The following DHDDS variants were observed in gnomAD, a reference collection of about 807,000 sequenced individuals.
DHDDS encodes dehydrodolichyl diphosphate synthase subunit.
A neutral mutation model predicts 46.2 loss-of-function variants in DHDDS; 16 were observed. The observed-to-expected ratio is 0.35, with a 90% CI of 0.23 to 0.53. The LOEUF is 0.53. Ranked by LOEUF, DHDDS falls within the 20% of genes least tolerant of loss-of-function variation. The probability of loss-of-function intolerance (pLI) is 0.94; values close to 1 mark genes in which losing one functional copy is unlikely to be tolerated. For synonymous variants in DHDDS, 151 were observed against 163.1 expected, an observed-to-expected ratio of 0.93 and a Z score of 0.56; for missense variants, 340 against 423.7, an observed-to-expected ratio of 0.80 and a Z score of 1.73.
intron 6 of DHDDS, among the ~76,000 whole-genome samples, chr1:26,452,900 A>G (rs1345404700): frequency 6.6e-6 from 1 of 152,104 alleles, no homozygotes; most frequent in Non-Finnish European, 1.5e-5. Context: ...GGAGTTTGAG[A>G]CCAGCCCTGG....
At position 26,468,931 on chromosome 1, in the gene DHDDS, C is replaced by A. The variant is rs1180408059; in HGVS notation, c.802C>A (p.Gln268Lys). The A allele has an allele frequency of 6.2e-7, 1 of 1,614,034 alleles. No homozygotes were observed. The highest frequency in any genetic ancestry group is 2.2e-5 in the East Asian group (1 of 44,878). Reference protein sequence around the residue: ...RDMYAEERKRQQLERDQATVT... With the variant: ...RDMYAEERKRKQLERDQATVT... ...CATGTATGCAGAGGAGCGGAAGAGG[C>A]AGCAGCTGGAGAGGGACCAGGCTAC... Residue 268 changes from glutamine to lysine, a missense_variant, in exon 9 of 9, where the codon CAG (glutamine) becomes AAG (lysine). By Grantham distance (53) the Gln-to-Lys change is moderately conservative. Transcript: ENST00000236342.
At chr1:26,438,087 CAT>C in intron 2 of DHDDS, 79 bp from the exon 3 acceptor site, 1 of 1,446,788 alleles carries the variant, frequency 6.9e-7, no homozygotes, top group Non-Finnish European at 9.7e-7. Context: ...ATAGCCCAAA[CAT>C]ATCACCTTGG....
At position 26,469,126 on chromosome 1, in the gene DHDDS, G is replaced by A; in HGVS notation, c.997G>A (p.Ala333Thr). 1 of 1,611,750 alleles carries A rather than the reference G, an allele frequency of 6.2e-7. No homozygotes were observed. Among genetic ancestry groups the A allele is most frequent in the Non-Finnish European group, 8.5e-7 (1 of 1,180,030 alleles). Reference sequence around the variant, plus strand: ...GCTGGCCCGTCTGGGCACTGCATCAGCCTGAATGAGGCTGGCCACCTGCCA... The same window carrying A: ...GCTGGCCCGTCTGGGCACTGCATCAACCTGAATGAGGCTGGCCACCTGCCA... The part of the protein sequence containing the change: ...DWLARLGTAS[A>T] The change falls in exon 9 of 9, where the codon GCC becomes ACC. Residue 333 changes from alanine to threonine, a missense_variant. Physicochemically the swap from Ala to Thr is moderately conservative, Grantham distance 58 (BLOSUM62 0). Around this residue, in one of 2 missense-constraint regions of DHDDS, gnomAD observed 268 missense variants for 300.3 expected, o/e 0.89. Transcript: ENST00000236342.
intron 8 of DHDDS, among the ~76,000 whole-genome samples, chr1:26,468,125 T>C (rs2075511216): frequency 6.6e-6 from 1 of 152,232 alleles, no homozygotes; most frequent in Non-Finnish European, 1.5e-5. Flanking sequence ...CAAGGGCTTA[T>C]TTTCTAACAG....
chr1:26,449,253 C>T (rs539707883), intron 6 of DHDDS, among the ~76,000 whole-genome samples: 49 of 152,026 alleles, frequency 3.2e-4, no homozygotes, highest in African/African-American at 1.1e-3. Flanking sequence ...CGCCCACCAC[C>T]GTGCCCAGCT....
chr1:26,437,403 C>T (rs1042661260), intron 2 of DHDDS, among the ~76,000 whole-genome samples: 2 of 151,712 alleles, frequency 1.3e-5, no homozygotes, highest in African/African-American at 2.4e-5. Flanking sequence ...CCCAGCACTT[C>T]GGGAGGCTGA....
In DHDDS at chr1:26,463,796, G is replaced by A. The variant is rs376559677; in HGVS notation, c.765+3652G>A. On this transcript the variant is annotated intron_variant, in intron 8 of 8. Coordinates refer to ENST00000236342, the MANE Select transcript of DHDDS (RefSeq NM_205861.3). ...GCTGGGATTACAGGCGTGAACCACCGCGACCGGCCTGAAACTCTTGTTTCT... is the reference window on the plus strand; with the variant it reads ...GCTGGGATTACAGGCGTGAACCACCACGACCGGCCTGAAACTCTTGTTTCT... Among the ~76,000 whole-genome samples the A allele has an allele frequency of 5.5e-4, 84 of 152,016 alleles. 2 individuals carry two copies. The highest frequency in any genetic ancestry group is 1.8e-3 in the African/African-American group (74 of 41,468).
intron 5 of DHDDS, among the ~76,000 whole-genome samples, 200 bp downstream of exon 5, chr1:26,446,632 G>A (rs1300650906): frequency 6.6e-6 from 1 of 152,074 alleles, no homozygotes; most frequent in Non-Finnish European, 1.5e-5. Flanking sequence ...TGTGTATACT[G>A]ACACATACAC....
chr1:26,451,536 A>G (rs1171022037), intron 6 of DHDDS, among the ~76,000 whole-genome samples: 3 of 148,432 alleles, frequency 2.0e-5, no homozygotes, highest in Non-Finnish European at 4.5e-5. Context: ...ACTCACTGCA[A>G]CCTCCACCTT....
chr1:26,450,593 A>G (rs1436126267), intron 6 of DHDDS, among the ~76,000 whole-genome samples: 1 of 152,230 alleles, frequency 6.6e-6, no homozygotes, highest in Non-Finnish European at 1.5e-5. Flanking sequence ...CCAGCATTAC[A>G]TAAGCCAAGA....
chr1:26,456,369 C>T lies in DHDDS; in HGVS notation c.543-1422C>T, dbSNP rs576509500. Among the ~76,000 whole-genome samples, 322 of 151,510 alleles carry T rather than the reference C, an allele frequency of 2.1e-3. 3 individuals carry two copies. The highest frequency in any genetic ancestry group is 0.01 in the Middle Eastern group (3 of 292). The stretch of plus-strand genomic sequence containing the variant: ...TCTGGGCAACAGAGGGAGACCCTGT[C>T]TGGAAAAAAAATAAAATATGTTTTC... On this transcript the variant is annotated intron_variant, in intron 6 of 8. Transcript: ENST00000236342.
chr1:26,449,894 T>G (rs2124446258), intron 6 of DHDDS, among the ~76,000 whole-genome samples: 1 of 152,284 alleles, frequency 6.6e-6, no homozygotes, highest in South Asian at 2.1e-4. Context: ...AGTGGTGCCC[T>G]TCACCATGCT....
rs1362786890 is a variant in DHDDS, at chr1:26,469,105, G to T, written c.976G>T (p.Ala326Ser). 6.2e-7 allele frequency: 1 copy of T among 1,612,362 alleles called. No homozygotes were observed. The highest frequency in any genetic ancestry group is 1.3e-5 in the African/African-American group (1 of 74,910). Reference sequence around the variant, plus strand: ...GGAACTCAAGCGAGCTGACTGGCTGGCCCGTCTGGGCACTGCATCAGCCTG... The same window carrying T: ...GGAACTCAAGCGAGCTGACTGGCTGTCCCGTCTGGGCACTGCATCAGCCTG... ...ALELKRADWL[A>S]RLGTASA The change falls in exon 9 of 9, where the codon GCC (alanine) becomes TCC (serine). Residue 326 changes from alanine to serine, a missense_variant. By Grantham distance (99) the Ala-to-Ser change is moderately conservative. Transcript: ENST00000236342.
chr1:26,432,925 T>C lies in DHDDS; in HGVS notation c.-21T>C, dbSNP rs1337449052. The C allele has an allele frequency of 6.2e-7, 1 of 1,613,884 alleles. No individual in the cohort carries two copies. The highest frequency in any genetic ancestry group is 8.5e-7 in the Non-Finnish European group (1 of 1,179,872). On this transcript the variant is annotated 5_prime_UTR_variant, in exon 2 of 9. Transcript: ENST00000236342. Reference sequence around the variant, plus strand: ...CTGGTGTTTGCTTGTTCTGGAGTGATCTTCTGACTGGAAAAGAACTATGTC... The same window carrying C: ...CTGGTGTTTGCTTGTTCTGGAGTGACCTTCTGACTGGAAAAGAACTATGTC...
intron 8 of DHDDS, among the ~76,000 whole-genome samples, chr1:26,467,704 G>GT (rs1557454300): frequency 6.6e-6 from 1 of 152,190 alleles, no homozygotes; most frequent in African/African-American, 2.4e-5. Context: ...ATGTATACAA[G>GT]TTTATCGTAA....
In DHDDS at chr1:26,446,413, G is replaced by T; in HGVS notation, c.421G>T (p.Ala141Ser). 2.5e-6 allele frequency: 4 copies of T among 1,613,850 alleles called. No individual in the cohort carries two copies. The South Asian group carries it at 4.4e-5, about 18-fold the overall frequency. The change falls in exon 5 of 9, where the codon GCC becomes TCC. Residue 141 changes from alanine (A) to serine (S), a missense_variant. Physicochemically the swap from Ala to Ser is moderately conservative, Grantham distance 99. Transcript: ENST00000236342. Reference protein sequence around the residue: ...LQELIAQAVQATKNYNKCFLN... With the variant: ...LQELIAQAVQSTKNYNKCFLN... ...GGAGCTGATTGCACAAGCTGTACAG[G>T]CCACGAAGAACTACAACAAGTAAGT...
chr1:26,457,397 G>A (rs1380077045), intron 6 of DHDDS, among the ~76,000 whole-genome samples: 2 of 151,798 alleles, frequency 1.3e-5, no homozygotes, highest in African/African-American at 4.8e-5. Flanking sequence ...ATGAACCTGG[G>A]AGGCAGAGTT....
In DHDDS at chr1:26,447,620, G is replaced by A. The variant is rs1176720477; in HGVS notation, c.502G>A (p.Glu168Lys). 2 of 1,614,104 alleles carry A rather than the reference G, an allele frequency of 1.2e-6. No individual in the cohort carries two copies. The highest frequency in any genetic ancestry group is 1.7e-6 in the Non-Finnish European group (2 of 1,180,048). ...TCATGAGATCAGCAATGCTGTGAGA[G>A]AGATGGCCTGGGGGGTGGAGCAAGG... The part of the protein sequence containing the change: ...SRHEISNAVR[E>K]MAWGVEQGLL... Residue 168 changes from glutamate to lysine, a missense_variant, in exon 6 of 9, where the codon GAG becomes AAG. Physicochemically the swap from Glu to Lys is moderately conservative, Grantham distance 56. This residue lies in a region of DHDDS where 268 missense variants were observed against 300.3 expected (regional missense o/e 0.89). Coordinates refer to ENST00000236342, the MANE Select transcript of DHDDS (RefSeq NM_205861.3).
intron 8 of DHDDS, 84 bp from the exon 9 acceptor site, chr1:26,468,811 G>GGCCCCCCCCCCACCCCC: frequency 2.4e-5 from 15 of 637,950 alleles, no homozygotes; most frequent in South Asian, 3.3e-5. Flanking sequence ...CCCACCCTGT[G>GGCCCCCCCCCCACCCCC]CCCCACCCCC....
Sources: gnomAD v4.1 joint callset for allele counts (sites outside exome capture counted in the v4.1 genomes callset) on GRCh38, gnomAD v4.1.1 for gene constraint, gnomAD v4.1.1 regional missense constraint, MANE v1.5 for transcripts, NCBI Gene and HGNC (gene_info 2026-07-23, HGNC 2026-07-21) for gene names.